The following ADAMTS17 variants were observed in gnomAD, a reference collection of about 807,000 sequenced individuals.
The protein encoded by ADAMTS17 is ADAM metallopeptidase with thrombospondin type 1 motif 17, also known as A disintegrin and metalloproteinase with thrombospondin motifs 17.
ADAMTS17 carries 113 observed loss-of-function variants against 141.5 expected under a neutral mutation model. That is an observed-to-expected ratio of 0.80 (90% CI 0.69 to 0.93). The LOEUF (loss-of-function observed/expected upper bound fraction) is 0.93, where lower values mean the gene tolerates loss of function less well. Ranked by LOEUF, ADAMTS17 falls within the 40% of genes least tolerant of loss-of-function variation. The pLI, the probability that ADAMTS17 is intolerant of heterozygous loss-of-function variation, is 0.00. For synonymous variants in ADAMTS17, 768 were observed against 630.6 expected (o/e 1.22, Z -3.27); for missense variants, 1,659 against 1,517.9 (o/e 1.09, Z -1.54).
chr15:100,080,893 CTTA>C (rs1472828163), intron 15 of ADAMTS17, among the ~76,000 whole-genome samples: 2 of 152,008 alleles, frequency 1.3e-5, no homozygotes, highest in Admixed American at 6.5e-5. Context: ...TAATTATGAC[CTTA>C]TTATTGTCTT....
intron 4 of ADAMTS17, among the ~76,000 whole-genome samples, chr15:100,267,668 T>C (rs911945453): frequency 1.3e-5 from 2 of 149,146 alleles, no homozygotes; most frequent in African/African-American, 4.9e-5. Flanking sequence ...CCTCAGCCCT[T>C]GCCCCCCTCC....
Position 100,089,627 on chromosome 15 carries a change from A to G in ADAMTS17, c.2137+6729T>C, listed in dbSNP as rs182861203. ...ACTGGATTAAGAAAATGTGGCACAT[A>G]TACACCATGGAATACTATGCAGCCA... On this transcript the variant is annotated intron_variant, in intron 15 of 21. Transcript: ENST00000268070. Among the ~76,000 whole-genome samples the G allele has an allele frequency of 1.1e-3, 170 of 152,090 alleles. 3 individuals are homozygous for G. The East Asian group carries it at 0.027, about 24-fold the overall frequency.
At chr15:100,010,764 G>A (rs925396012) in intron 18 of ADAMTS17, among the ~76,000 whole-genome samples, 1 of 152,228 alleles carries the variant, frequency 6.6e-6, no homozygotes, top group African/African-American at 2.4e-5. Flanking sequence ...GTGAGGTGAG[G>A]AGGTACAACT....
At chr15:99,977,430 G>A (rs1259955679) in intron 20 of ADAMTS17, among the ~76,000 whole-genome samples, 1 of 20,818 alleles carries the variant, frequency 4.8e-5, no homozygotes, top group Non-Finnish European at 1.0e-4. Context: ...TTTTTTTTTT[G>A]AGATGGAGTC....
intron 3 of ADAMTS17, among the ~76,000 whole-genome samples, chr15:100,304,686 G>A (rs2141830967): frequency 6.6e-6 from 1 of 152,208 alleles, no homozygotes; most frequent in East Asian, 1.9e-4. Flanking sequence ...TAATTCAAAT[G>A]TACAAAGCCA....
At chr15:100,236,562 C>T (rs552028913) in intron 7 of ADAMTS17, among the ~76,000 whole-genome samples, 11 of 152,098 alleles carry the variant, frequency 7.2e-5, no homozygotes, top group Admixed American at 3.9e-4. Flanking sequence ...AACAAAAAAA[C>T]GGCAGTAGCT....
At chr15:100,157,070 G>C (rs1268236146) in intron 8 of ADAMTS17, among the ~76,000 whole-genome samples, 1 of 152,196 alleles carries the variant, frequency 6.6e-6, no homozygotes, top group African/African-American at 2.4e-5. Flanking sequence ...TGGCAGGGGA[G>C]AGAAGCACAA....
intron 8 of ADAMTS17, 91 bp from the exon 9 acceptor site, chr15:100,155,411 G>A: frequency 6.5e-7 from 1 of 1,544,374 alleles, no homozygotes; most frequent in Non-Finnish European, 8.8e-7. Flanking sequence ...GGTAAATCAA[G>A]TCTTAAAAAC....
intron 4 of ADAMTS17, among the ~76,000 whole-genome samples, chr15:100,266,489 C>CT (rs2043721333): frequency 6.6e-6 from 1 of 152,206 alleles, no homozygotes; most frequent in Admixed American, 6.5e-5. Context: ...TTTTAAAACA[C>CT]TAACTGGAGC....
At chr15:100,071,138 C>CTAG (rs2033940421) in intron 15 of ADAMTS17, among the ~76,000 whole-genome samples, 1 of 150,460 alleles carries the variant, frequency 6.6e-6, no homozygotes, top group South Asian at 2.1e-4. Context: ...ACTAGAAAAT[C>CTAG]TAGAAGAAAT....
intron 8 of ADAMTS17, among the ~76,000 whole-genome samples, chr15:100,183,887 G>GA (rs1234244257): frequency 2.0e-5 from 3 of 152,204 alleles, no homozygotes; most frequent in African/African-American, 7.2e-5. Flanking sequence ...TGGTATCGTT[G>GA]AGGCTCCTCT....
chr15:99,983,288 A>G (rs550801922), intron 20 of ADAMTS17, among the ~76,000 whole-genome samples: 7 of 152,272 alleles, frequency 4.6e-5, no homozygotes, highest in African/African-American at 1.7e-4. Context: ...TAGGTGCTCA[A>G]TAAGTGGTGT....
Position 100,132,077 on chromosome 15 carries a change from C to A in ADAMTS17, c.1651G>T (p.Ala551Ser), listed in dbSNP as rs61754841. The A allele has an allele frequency of 8.7e-6, 14 of 1,614,164 alleles. No homozygotes were observed. Among genetic ancestry groups the A allele is most frequent in the Middle Eastern group, 1.6e-4 (1 of 6,062 alleles). ...HVDGDWSPWG[A>S]WSMCSRTCGT... Reference sequence around the variant, plus strand: ...CATGTTCGGCTGCACATGCTCCAGGCGCCCCACGGGCTCCAGTCTCCGTCC... The same window carrying A: ...CATGTTCGGCTGCACATGCTCCAGGAGCCCCACGGGCTCCAGTCTCCGTCC... Residue 551 changes from alanine (A) to serine (S), a missense_variant, in exon 12 of 22, where the codon GCC (alanine) becomes TCC (serine). Transcript: ENST00000268070.
chr15:100,339,111 A>G (rs2046290045), intron 2 of ADAMTS17: 1 of 985,328 alleles, frequency 1.0e-6, no homozygotes, highest in South Asian at 4.7e-5. Context: ...TAGAGGTACA[A>G]CCGCCACTGG....
intron 14 of ADAMTS17, among the ~76,000 whole-genome samples, chr15:100,102,013 T>G (rs2036130281): frequency 6.6e-6 from 1 of 152,214 alleles, no homozygotes; most frequent in Non-Finnish European, 1.5e-5. Flanking sequence ...CATTCTTGTT[T>G]TGCTAAACTA....
chr15:100,116,146 A>AAAAAAAAAAC (rs2037109821), intron 13 of ADAMTS17, among the ~76,000 whole-genome samples: 3 of 149,780 alleles, frequency 2.0e-5, no homozygotes, highest in African/African-American at 7.4e-5. Flanking sequence ...AAAAAAAAAA[A>AAAAAAAAAAC]AAAAAAAAAA....
chr15:99,993,999 T>C lies in ADAMTS17; in HGVS notation c.2797-799A>G, dbSNP rs141400083. On this transcript the variant is annotated intron_variant, in intron 19 of 21. Coordinates refer to ENST00000268070, the MANE Select transcript of ADAMTS17 (RefSeq NM_139057.4). This position sits in a 1 kb window ranked among gnomAD's most constrained non-coding sequence, Gnocchi z 4.3. Reference sequence around the variant, plus strand: ...GGGTGTCAACACAGCAGACAGGCACTCTGGAGTGCGTCTGGAGCCTGCTCC... The same window carrying C: ...GGGTGTCAACACAGCAGACAGGCACCCTGGAGTGCGTCTGGAGCCTGCTCC... 4.7e-4 allele frequency among the ~76,000 whole-genome samples: 71 copies of C among 152,178 alleles called. No individual in the cohort carries two copies. The highest frequency in any genetic ancestry group is 1.6e-3 in the African/African-American group (66 of 41,526).
chr15:100,001,355 T>A, intron 18 of ADAMTS17, among the ~76,000 whole-genome samples: 1 of 34,072 alleles, frequency 2.9e-5, no homozygotes, highest in South Asian at 7.7e-4. Flanking sequence ...CTCTTTTCCT[T>A]TTTTTTTTTT....
intron 6 of ADAMTS17, among the ~76,000 whole-genome samples, chr15:100,259,797 C>A (rs1241395780): frequency 6.6e-6 from 1 of 152,222 alleles, no homozygotes; most frequent in Admixed American, 6.5e-5. Context: ...AGTGAGCAGG[C>A]ATCCATTTGG....
Sources: allele counts gnomAD v4.1 joint callset (sites outside exome capture counted in the v4.1 genomes callset), GRCh38; gene constraint gnomAD v4.1.1; non-coding constraint Gnocchi (gnomAD v3.1); transcripts MANE v1.5; gene names NCBI Gene and HGNC (gene_info 2026-07-23, HGNC 2026-07-21).